Variants in CAMTA1 observed in about 807,000 individuals in gnomAD.
CAMTA1 encodes the protein calmodulin binding transcription activator 1.
A neutral mutation model predicts 170.9 loss-of-function variants in CAMTA1; 27 were observed. That is an observed-to-expected ratio of 0.16 (90% CI 0.12 to 0.22). The LOEUF is 0.22. Among genes scored for constraint, CAMTA1 ranks in the 10% least tolerant of loss-of-function variants. CAMTA1 has a pLI of 1.00. For missense variants in CAMTA1, 1,619 were observed against 2,217.2 expected (o/e 0.73, Z 5.42); for synonymous variants, 833 against 891.5 (o/e 0.93, Z 1.17).
intron 3 of CAMTA1, among the ~76,000 whole-genome samples, chr1:6,841,857 C>T (rs1284891183): frequency 6.6e-6 from 1 of 152,190 alleles, no homozygotes; most frequent in Non-Finnish European, 1.5e-5. Context: ...ACTCCTGTTG[C>T]TTGCGCCTGG....
intron 6 of CAMTA1, among the ~76,000 whole-genome samples, chr1:7,639,242 GTC>G (rs2095741144): frequency 6.6e-6 from 1 of 152,074 alleles, no homozygotes; most frequent in South Asian, 2.1e-4. Flanking sequence ...GCCTCCCAAA[GTC>G]CTGGGATTAC....
At chr1:7,704,155 C>T (rs1467549523) in intron 11 of CAMTA1, among the ~76,000 whole-genome samples, 2 of 150,262 alleles carry the variant, frequency 1.3e-5, no homozygotes, top group Admixed American at 6.7e-5. Flanking sequence ...GGCTGCATTG[C>T]AGACGCCGCC....
intron 5 of CAMTA1, among the ~76,000 whole-genome samples, chr1:7,452,114 G>A (rs1005955920): frequency 1.3e-5 from 2 of 152,216 alleles, no homozygotes; most frequent in African/African-American, 4.8e-5. Flanking sequence ...GACAAACTTT[G>A]CCTGGTTCCC....
chr1:7,297,760 C>T (rs1674178942), intron 5 of CAMTA1, among the ~76,000 whole-genome samples: 1 of 152,222 alleles, frequency 6.6e-6, no homozygotes, highest in Admixed American at 6.5e-5. Flanking sequence ...GGCCAAAAGG[C>T]TGGGCAAACA....
intron 6 of CAMTA1, among the ~76,000 whole-genome samples, chr1:7,601,214 A>C (rs1325911119): frequency 1.3e-5 from 2 of 150,432 alleles, no homozygotes; most frequent in Non-Finnish European, 3.0e-5. Context: ...GACGCTCCTC[A>C]CTTCCCAGAC....
chr1:7,287,965 A>G (rs895761269), intron 5 of CAMTA1, among the ~76,000 whole-genome samples: 2 of 152,220 alleles, frequency 1.3e-5, no homozygotes, highest in African/African-American at 4.8e-5. Context: ...AGGCTGGGAA[A>G]TACAGTCTTT....
rs372229087 is a variant in CAMTA1, at chr1:6,896,228, G to A, written c.234+71018G>A. On this transcript the variant is annotated intron_variant, in intron 3 of 22. Coordinates refer to ENST00000303635, the MANE Select transcript of CAMTA1 (RefSeq NM_015215.4). ...GCTTGTACTTAAACAGAATCAGCCTGTGTCCCTAGAAGGACATGAAATTCC... is the reference window on the plus strand; with the variant it reads ...GCTTGTACTTAAACAGAATCAGCCTATGTCCCTAGAAGGACATGAAATTCC... Among the ~76,000 whole-genome samples, 32 of 152,296 alleles carry A rather than the reference G, an allele frequency of 2.1e-4. No individual in the cohort carries two copies. The East Asian group carries it at 5.8e-3, about 28-fold the overall frequency.
chr1:7,059,485 C>A (rs1272477451), intron 3 of CAMTA1, among the ~76,000 whole-genome samples: 1 of 152,022 alleles, frequency 6.6e-6, no homozygotes, highest in African/African-American at 2.4e-5. Context: ...CTGGGCACAA[C>A]GATGCACACC....
chr1:7,544,871 C>T (rs1245506509), intron 6 of CAMTA1, among the ~76,000 whole-genome samples: 2 of 152,106 alleles, frequency 1.3e-5, no homozygotes, highest in Non-Finnish European at 2.9e-5. Flanking sequence ...TCGCTTTCTC[C>T]GGAGCTATTT....
intron 6 of CAMTA1, among the ~76,000 whole-genome samples, chr1:7,587,245 G>A (rs888376224): frequency 2.6e-5 from 4 of 152,010 alleles, no homozygotes; most frequent in Non-Finnish European, 4.4e-5. Context: ...TCCACCCGCC[G>A]CCCCTGCAGG....
intron 3 of CAMTA1, chr1:6,888,335 G>T: frequency 1.3e-6 from 1 of 790,252 alleles, no homozygotes; most frequent in South Asian, 5.7e-5. Context: ...TGAAGTAACT[G>T]GAAGCCTAGT....
chr1:7,572,725 C>G (rs1487497721), intron 6 of CAMTA1, among the ~76,000 whole-genome samples: 1 of 152,202 alleles, frequency 6.6e-6, no homozygotes, highest in Admixed American at 6.5e-5. Flanking sequence ...CCTCCTAATA[C>G]CATCACCTGG....
chr1:7,455,055 G>A lies in CAMTA1; in HGVS notation c.439-12775G>A, dbSNP rs765093426. Among the ~76,000 whole-genome samples, 2 of 152,122 alleles carry A rather than the reference G, an allele frequency of 1.3e-5. No homozygotes were observed. Among genetic ancestry groups the A allele is most frequent in the African/African-American group, 2.4e-5 (1 of 41,428 alleles). On this transcript the variant is annotated intron_variant, in intron 5 of 22. Transcript: ENST00000303635. The surrounding 1 kb of genome is among the most constrained non-coding windows in gnomAD (Gnocchi z 5.0). ...GCCTCGGAGGTTCCGATGCACTCAG[G>A]GCCCTGGGGGCATCCAGGGCCGGCC...
chr1:7,192,686 G>T (rs541760090), intron 4 of CAMTA1, among the ~76,000 whole-genome samples: 1 of 152,312 alleles, frequency 6.6e-6, no homozygotes, highest in Non-Finnish European at 1.5e-5. Flanking sequence ...GGGCATCACG[G>T]CCCCCTCACA....
chr1:6,937,786 C>CTACCAT (rs1685700694), intron 3 of CAMTA1, among the ~76,000 whole-genome samples: 1 of 100,438 alleles, frequency 1.0e-5, no homozygotes, highest in African/African-American at 3.5e-5. Flanking sequence ...CCACTTACCA[C>CTACCAT]CACCATCACC....
intron 3 of CAMTA1, among the ~76,000 whole-genome samples, chr1:6,868,378 G>A (rs1382656976): frequency 1.3e-5 from 2 of 149,980 alleles, no homozygotes; most frequent in African/African-American, 5.0e-5. Context: ...GTTAAAAAAC[G>A]ACTGTATAGG....
intron 7 of CAMTA1, among the ~76,000 whole-genome samples, chr1:7,655,223 T>C (rs1215450665): frequency 7.4e-6 from 1 of 135,312 alleles, no homozygotes; most frequent in Non-Finnish European, 1.6e-5. Flanking sequence ...CACCCATCTA[T>C]ACACACACAC....
intron 6 of CAMTA1, among the ~76,000 whole-genome samples, chr1:7,540,590 A>T (rs571464859): frequency 4.9e-4 from 74 of 152,250 alleles, no homozygotes; most frequent in African/African-American, 1.8e-3. Flanking sequence ...TGTTGTGCAC[A>T]TTCCTCTTTG....
chr1:7,361,906 G>A lies in CAMTA1; in HGVS notation c.439-105924G>A, dbSNP rs1252845616. Among the ~76,000 whole-genome samples, 5 of 152,204 alleles carry A rather than the reference G, an allele frequency of 3.3e-5. No homozygotes were observed. In the East Asian group the frequency reaches 9.6e-4, roughly 29 times the overall value. ...CCTGTCATTTGATTCCTCAGGCCCT[G>A]GGGCTGCCTTCCTTCTGGGGTCCTC... On this transcript the variant is annotated intron_variant, in intron 5 of 22. Coordinates refer to ENST00000303635, the MANE Select transcript of CAMTA1 (RefSeq NM_015215.4).
Sources: gnomAD v4.1 joint callset for allele counts (sites outside exome capture counted in the v4.1 genomes callset) on GRCh38, gnomAD v4.1.1 for gene constraint, Gnocchi (gnomAD v3.1) non-coding constraint, MANE v1.5 for transcripts, NCBI Gene and HGNC (gene_info 2026-07-23, HGNC 2026-07-21) for gene names.